The following HEATR4 variants were observed in gnomAD, a reference collection of about 807,000 sequenced individuals.
The protein encoded by HEATR4 is HEAT repeat containing 4, also known as HEAT repeat-containing protein 4.
Under a neutral mutation model 108.8 loss-of-function variants are expected in HEATR4, and 95 were observed. That is an observed-to-expected ratio of 0.87 (90% CI 0.74 to 1.04). HEATR4 has a LOEUF of 1.04. HEATR4 is among the 50% of genes least tolerant of loss of function. HEATR4 has a pLI of 0.00. For missense variants in HEATR4, 1,152 were observed against 1,253.8 expected (o/e 0.92, Z 1.23); for synonymous variants, 443 against 459.4 (o/e 0.96, Z 0.46).
At chr14:73,619,579 CAGAT>C in the HEATR4 span, 2 of 1,614,100 alleles carry the variant, frequency 1.2e-6, no homozygotes, top group Non-Finnish European at 8.5e-7. Context: ...ATTCTATGCT[CAGAT>C]AGCCTCTGAA....
chr14:73,548,125 A>C (rs1566852851), intron 1 of HEATR4, among the ~76,000 whole-genome samples: 1 of 114,394 alleles, frequency 8.7e-6, no homozygotes, highest in Non-Finnish European at 1.9e-5. Context: ...ACAGGGTCTT[A>C]TTATGTTGCC....
At chr14:73,601,495 C>T in the HEATR4 span, among the ~76,000 whole-genome samples, 1 of 152,068 alleles carries the variant, frequency 6.6e-6, no homozygotes, top group African/African-American at 2.4e-5. Flanking sequence ...ACCTGGGAGG[C>T]GGAGATTGCA....
the HEATR4 span, among the ~76,000 whole-genome samples, chr14:73,620,978 T>C: frequency 6.6e-6 from 1 of 151,738 alleles, no homozygotes; most frequent in Admixed American, 6.6e-5. Flanking sequence ...CTAAGGCGTG[T>C]GGATCACCTG....
the HEATR4 span, among the ~76,000 whole-genome samples, chr14:73,578,381 C>T: frequency 3.0e-4 from 46 of 151,808 alleles, 2 homozygotes; most frequent in Admixed American, 1.3e-3. Flanking sequence ...AGACACATGC[C>T]ACCATGCCCA....
At position 73,514,019 on chromosome 14, in the gene HEATR4, C is replaced by T. The variant is rs1246897987; in HGVS notation, c.1414+12G>A. 6.2e-7 allele frequency: 1 copy of T among 1,613,526 alleles called. No homozygotes were observed. The highest frequency in any genetic ancestry group is 1.7e-5 in the Admixed American group (1 of 60,008). On this transcript the variant is annotated intron_variant, in intron 6 of 17. Transcript: ENST00000553558. ...ACAAACGTACAGTATCACAGGACCTCCCTTCACTCACTCAGAGCCCAGGCA... is the reference window on the plus strand; with the variant it reads ...ACAAACGTACAGTATCACAGGACCTTCCTTCACTCACTCAGAGCCCAGGCA...
Position 73,540,526 on chromosome 14 carries a change from C to G in HEATR4, c.-151-10282G>C, listed in dbSNP as rs1889041442. On this transcript the variant is annotated intron_variant, in intron 1 of 17. Coordinates refer to ENST00000553558, the MANE Select transcript of HEATR4 (RefSeq NM_001220484.1). ...CTAGGAGAACACATTCAGTATCATTCCATTTAGATACAGTTCAAAAAATAG... is the reference window on the plus strand; with the variant it reads ...CTAGGAGAACACATTCAGTATCATTGCATTTAGATACAGTTCAAAAAATAG... Among the ~76,000 whole-genome samples the G allele has an allele frequency of 1.8e-5, 2 of 109,502 alleles. 1 individual carries two copies. Among genetic ancestry groups the G allele is most frequent in the South Asian group, 5.6e-4 (2 of 3,572 alleles). The allele number at this position is 109,502 out of a possible 152,430, so 71.8% of individuals were successfully genotyped here. A position where few individuals can be genotyped will look rare whatever the true frequency, so the allele number is the denominator to read the frequency against.
chr14:73,513,177 G>A (rs539607146), intron 6 of HEATR4, among the ~76,000 whole-genome samples: 11 of 152,308 alleles, frequency 7.2e-5, no homozygotes, highest in South Asian at 2.1e-4. Context: ...AGATAGGGTC[G>A]CCTGGGTGCA....
At chr14:73,512,230 T>G in intron 6 of HEATR4, 81 bp from the exon 7 acceptor site, 1 of 1,504,068 alleles carries the variant, frequency 6.6e-7, no homozygotes, top group South Asian at 1.2e-5. Context: ...ACAAGAAGTC[T>G]GCCCTTCACC....
chr14:73,603,688 T>C, the HEATR4 span, among the ~76,000 whole-genome samples: 1 of 152,082 alleles, frequency 6.6e-6, no homozygotes, highest in African/African-American at 2.4e-5. Flanking sequence ...AAAGGCATTA[T>C]AGTTTTTTTC....
At chr14:73,604,028 G>A in the HEATR4 span, among the ~76,000 whole-genome samples, 3,915 of 152,098 alleles carry the variant, frequency 0.026, 155 homozygotes, top group African/African-American at 0.086. Context: ...CACCATGGCC[G>A]GCAGGTGCTT....
At chr14:73,611,100 C>T in the HEATR4 span, 1 of 152,204 alleles carries the variant, frequency 6.6e-6, no homozygotes, top group African/African-American at 2.4e-5. Flanking sequence ...TGTGTTTTCT[C>T]ACTGGACTCA....
chr14:73,593,388 G>T, the HEATR4 span, among the ~76,000 whole-genome samples: 3 of 138,718 alleles, frequency 2.2e-5, no homozygotes, highest in African/African-American at 8.1e-5. Flanking sequence ...GCCCACGCTG[G>T]AGTGCAGTGG....
At chr14:73,579,103 A>G in the HEATR4 span, among the ~76,000 whole-genome samples, 37 of 150,662 alleles carry the variant, frequency 2.5e-4, no homozygotes, top group South Asian at 7.2e-3. Flanking sequence ...AAAAAAAAAA[A>G]AAAACAGCCA....
At chr14:73,592,154 A>T in the HEATR4 span, 1 of 1,596,702 alleles carries the variant, frequency 6.3e-7, no homozygotes, top group South Asian at 1.1e-5. Context: ...TGGAGCGCGC[A>T]CCCGCGCTGG....
chr14:73,482,552 G>C (rs983821632), intron 17 of HEATR4, among the ~76,000 whole-genome samples: 1 of 152,154 alleles, frequency 6.6e-6, no homozygotes, highest in Non-Finnish European at 1.5e-5. Flanking sequence ...GGAAGCACAG[G>C]AGACTTTTTA....
the HEATR4 span, among the ~76,000 whole-genome samples, chr14:73,598,815 C>G: frequency 6.6e-6 from 1 of 152,000 alleles, no homozygotes; most frequent in Non-Finnish European, 1.5e-5. Context: ...CCAGCCTAAC[C>G]AACATGGTGA....
chr14:73,597,591 C>CTTTTTTTTTTT, the HEATR4 span, among the ~76,000 whole-genome samples: 60 of 98,154 alleles, frequency 6.1e-4, no homozygotes, highest in African/African-American at 7.5e-4. Flanking sequence ...TTTTTCTTTT[C>CTTTTTTTTTTT]TTTTTTTTTT....
At chr14:73,534,276 G>C (rs1189401373) in intron 1 of HEATR4, among the ~76,000 whole-genome samples, 1 of 109,734 alleles carries the variant, frequency 9.1e-6, no homozygotes, top group Non-Finnish European at 2.0e-5. Context: ...CTACTCAAGA[G>C]GCTGAGGCAG....
At chr14:73,589,379 G>T in the HEATR4 span, among the ~76,000 whole-genome samples, 1 of 151,846 alleles carries the variant, frequency 6.6e-6, no homozygotes, top group African/African-American at 2.4e-5. Context: ...TAGTGCAGTG[G>T]TATGATCTCA....
Sources: gnomAD v4.1 joint callset for allele counts (sites outside exome capture counted in the v4.1 genomes callset) on GRCh38, gnomAD v4.1.1 for gene constraint, MANE v1.5 for transcripts, NCBI Gene and HGNC (gene_info 2026-07-23, HGNC 2026-07-21) for gene names.